The following SLC28A1 variants were observed in gnomAD, a reference collection of about 807,000 sequenced individuals.
The protein encoded by SLC28A1 is solute carrier family 28 member 1.
In SLC28A1, 64 loss-of-function variants were observed where a neutral mutation model predicts 74.8. That is an observed-to-expected ratio of 0.86 (90% confidence interval 0.70 to 1.05). The LOEUF is 1.05. SLC28A1 is among the 50% of genes least tolerant of loss of function. The probability of loss-of-function intolerance (pLI) is 0.00; values close to 1 mark genes in which losing one functional copy is unlikely to be tolerated. For missense variants in SLC28A1, 828 were observed against 822.8 expected (o/e 1.01, Z -0.08); for synonymous variants, 359 against 335.0 (o/e 1.07, Z -0.78).
chr15:84,952,986 C>T, the SLC28A1 span, among the ~76,000 whole-genome samples: 1 of 152,204 alleles, frequency 6.6e-6, no homozygotes, highest in African/African-American at 2.4e-5. Context: ...TTCTTTTCTA[C>T]TTTTAGAGGA....
rs757568267 is a variant in SLC28A1 at position 84,921,022 on chromosome 15, A to G, written c.910A>G (p.Thr304Ala). ...AWLMQVTMGT[T>A]ATETLSVAGN... ...GCTGATGCAAGTCACCATGGGCACC[A>G]CAGCCACTGAGACCCTGAGTGTGGC... is the stretch of plus-strand genomic sequence containing the variant. Residue 304 changes from threonine to alanine, a missense_variant, in exon 11 of 19, where the codon ACA (threonine) becomes GCA (alanine). Thr to Ala is a moderately conservative substitution (Grantham distance 58, BLOSUM62 0). Coordinates refer to ENST00000394573, the MANE Select transcript of SLC28A1 (RefSeq NM_004213.5). 3.1e-6 allele frequency: 5 copies of G among 1,613,274 alleles called. No homozygotes were observed. In the Admixed American group the frequency reaches 8.3e-5, roughly 27 times the overall value.
downstream of SLC28A1, among the ~76,000 whole-genome samples, chr15:84,946,084 T>TTGTATATATATATA (rs1567196223): frequency 7.3e-5 from 2 of 27,552 alleles, no homozygotes; most frequent in South Asian, 1.6e-3. Flanking sequence ...GTGTGTATGT[T>TTGTATATATATATA]CATATATATA....
At chr15:84,940,261 C>T (rs1972497156) in intron 15 of SLC28A1, among the ~76,000 whole-genome samples, 1 of 152,182 alleles carries the variant, frequency 6.6e-6, no homozygotes, top group Admixed American at 6.5e-5. Context: ...CTTTAAATTT[C>T]CATGCCAATT....
At chr15:84,912,804 GCGCACA>G (rs1269582634) in intron 9 of SLC28A1, among the ~76,000 whole-genome samples, 4 of 58,656 alleles carry the variant, frequency 6.8e-5, no homozygotes, top group South Asian at 7.1e-4. Flanking sequence ...TTTTGCGCGC[GCGCACA>G]CACACACACA....
At chr15:84,955,637 C>T in the SLC28A1 span, among the ~76,000 whole-genome samples, 4 of 152,300 alleles carry the variant, frequency 2.6e-5, no homozygotes, top group African/African-American at 4.8e-5. Flanking sequence ...TCCCTGGCTG[C>T]GAGGCTGCAG....
intron 8 of SLC28A1, 125 bp from the exon 9 acceptor site, chr15:84,908,593 C>CA (rs1052052844): frequency 7.8e-6 from 6 of 772,670 alleles, no homozygotes; most frequent in Admixed American, 4.0e-5. Flanking sequence ...TGGTGCCCCC[C>CA]CCCGGATAAG....
intron 18 of SLC28A1, 66 bp downstream of exon 18, chr15:84,944,933 G>A (rs890142380): frequency 1.6e-6 from 2 of 1,253,458 alleles, no homozygotes; most frequent in Admixed American, 3.4e-5. Flanking sequence ...TGAGCGCTGG[G>A]GGGGATGCCT....
chr15:84,942,372 C>G (rs1313814715), intron 15 of SLC28A1, among the ~76,000 whole-genome samples: 1 of 152,138 alleles, frequency 6.6e-6, no homozygotes, highest in Non-Finnish European at 1.5e-5. Context: ...AATATTAGCT[C>G]TTATTCATTT....
downstream of SLC28A1, among the ~76,000 whole-genome samples, chr15:84,947,703 A>G (rs1010393224): frequency 2.0e-5 from 3 of 152,142 alleles, no homozygotes; most frequent in Non-Finnish European, 4.4e-5. Context: ...GGCTAATGAG[A>G]TCCCTGGGGC....
chr15:84,908,504 T>C (rs148133671), intron 8 of SLC28A1, among the ~76,000 whole-genome samples: 362 of 152,186 alleles, frequency 2.4e-3, no homozygotes, highest in African/African-American at 7.8e-3. Flanking sequence ...ATCTTTAAAA[T>C]TGACCAAAAA....
In SLC28A1 at chr15:84,944,576, C is replaced by A. The variant is rs776644427; in HGVS notation, c.1674C>A (p.Val558=). ...GIMLGGLTSM[V]PQRKSDFSQI... is the part of the protein sequence containing the mutation. The stretch of plus-strand genomic sequence containing the variant: ...TCTGTCCCCTTGCAGCCTCCATGGT[C>A]CCCCAACGGAAGAGCGACTTCTCCC... Residue 558 remains valine, a synonymous_variant, in exon 17 of 19, where the codon GTC becomes GTA. Coordinates refer to ENST00000394573, the MANE Select transcript of SLC28A1 (RefSeq NM_004213.5). 6.2e-7 allele frequency: 1 copy of A among 1,612,934 alleles called. No homozygotes were observed. The highest frequency in any genetic ancestry group is 8.5e-7 in the Non-Finnish European group (1 of 1,178,920).
At chr15:84,952,359 T>A in the SLC28A1 span, among the ~76,000 whole-genome samples, 485 of 152,222 alleles carry the variant, frequency 3.2e-3, no homozygotes, top group Middle Eastern at 0.01. Context: ...AAGAAGGCAG[T>A]AACCCACAGA....
chr15:84,942,126 C>G (rs1210642706), intron 15 of SLC28A1, among the ~76,000 whole-genome samples: 2 of 151,600 alleles, frequency 1.3e-5, no homozygotes, highest in Admixed American at 1.3e-4. Flanking sequence ...GGCTCTATAC[C>G]AATTTTTTAA....
At chr15:84,888,928 C>A in intron 4 of SLC28A1, 68 bp downstream of exon 4, 1 of 1,152,010 alleles carries the variant, frequency 8.7e-7, no homozygotes. Context: ...GATGGGGAGC[C>A]GGGCCTCCTG....
chr15:84,919,375 A>G lies in SLC28A1; in HGVS notation c.876+771A>G, dbSNP rs373199579. Among the ~76,000 whole-genome samples, 11 of 152,380 alleles carry G rather than the reference A, an allele frequency of 7.2e-5. No individual in the cohort carries two copies. The South Asian group carries it at 2.1e-3, about 29-fold the overall frequency. ...CAGCAACATCAGATGGCTTCCAGAA[A>G]TGCAAAAACAACCTGTGGTTATTAT... On this transcript the variant is annotated intron_variant, in intron 10 of 18. Coordinates refer to ENST00000394573, the MANE Select transcript of SLC28A1 (RefSeq NM_004213.5).
Position 84,944,867 on chromosome 15 carries a change from G to T in SLC28A1, c.1874G>T (p.Ser625Ile). Reference sequence around the variant, plus strand: ...CAGTGCTGCCGTGAGGCCTTCCAGAGGTGAGGGCCTGGGCTGTGGGACCTG... The same window carrying T: ...CAGTGCTGCCGTGAGGCCTTCCAGATGTGAGGGCCTGGGCTGTGGGACCTG... Reference protein sequence around the residue: ...IYQCCREAFQSVNPEFSPEAL... With the variant: ...IYQCCREAFQIVNPEFSPEAL... The change falls in exon 18 of 19, where the codon AGC becomes ATC. Residue 625 changes from serine to isoleucine, a missense_variant and splice_region_variant. Physicochemically the swap from Ser to Ile is moderately radical, Grantham distance 142. Around this residue, in one of 3 missense-constraint regions of SLC28A1, gnomAD observed 53 missense variants for 44.5 expected, o/e 1.19. Transcript: ENST00000394573. 6.2e-7 allele frequency: 1 copy of T among 1,602,354 alleles called. No individual in the cohort carries two copies.
chr15:84,958,613 G>C, the SLC28A1 span, among the ~76,000 whole-genome samples: 1 of 151,988 alleles, frequency 6.6e-6, no homozygotes, highest in Non-Finnish European at 1.5e-5. Flanking sequence ...GAGTACAGTG[G>C]TGCAACCGTA....
chr15:84,945,843 A>G (rs989866682), downstream of SLC28A1: 12 of 154,394 alleles, frequency 7.8e-5, no homozygotes, highest in African/African-American at 2.9e-4. Flanking sequence ...TGAACTTGTC[A>G]GAGCTTGGTG....
At chr15:84,904,042 G>T (rs1415886442) in intron 6 of SLC28A1, 55 bp from the exon 7 acceptor site, 3 of 1,611,862 alleles carry the variant, frequency 1.9e-6, no homozygotes, top group Non-Finnish European at 8.5e-7. Flanking sequence ...TATTGTGTGT[G>T]GGTGGGGTGG....
Sources: allele counts gnomAD v4.1 joint callset (sites outside exome capture counted in the v4.1 genomes callset), GRCh38; gene constraint gnomAD v4.1.1; regional missense constraint gnomAD v4.1.1; transcripts MANE v1.5; gene names NCBI Gene and HGNC (gene_info 2026-07-23, HGNC 2026-07-21).